The following ANGEL1 variants were observed in gnomAD, a reference collection of about 807,000 sequenced individuals.
ANGEL1 encodes the protein RNA 2',3'-cyclic phosphatase ANGEL1.
ANGEL1 carries 62 observed loss-of-function variants against 76.4 expected under a neutral mutation model. The ratio of observed to expected loss-of-function variants is 0.81; its 90% CI spans 0.66 to 1.00. The LOEUF (loss-of-function observed/expected upper bound fraction) is 1.00, where lower values mean the gene tolerates loss of function less well. Ranked by LOEUF, ANGEL1 falls within the 50% of genes least tolerant of loss-of-function variation. ANGEL1 has a pLI of 0.00. For synonymous variants in ANGEL1, 340 were observed against 331.7 expected (o/e 1.03, Z -0.27); for missense variants, 737 against 836.7 (o/e 0.88, Z 1.47).
Position 76,809,336 on chromosome 14 carries a change from A to T in ANGEL1, c.372T>A (p.Asp124Glu), listed in dbSNP as rs1459145140. The T allele has an allele frequency of 6.2e-7, 1 of 1,614,194 alleles. No individual in the cohort carries two copies. Among genetic ancestry groups the T allele is most frequent in the Admixed American group, 1.7e-5 (1 of 60,030 alleles). The change falls in exon 2 of 10, where the codon GAT (aspartate) becomes GAA (glutamate). Residue 124 changes from aspartate to glutamate, a missense_variant. Asp to Glu is a conservative substitution (Grantham distance 45). Coordinates refer to ENST00000251089, the MANE Select transcript of ANGEL1 (RefSeq NM_015305.4). The stretch of plus-strand genomic sequence containing the variant: ...CTCCTAGCATCTCAGGGAAAGGCTC[A>T]TCCAGGTTCTCTGCAGCCCGAAGGT... ...LSDLRAAENL[D>E]EPFPEMLGEE... is the part of the protein sequence containing the mutation.
chr14:76,788,402 TC>T lies in ANGEL1; in HGVS notation c.*825del, dbSNP rs1894305406. On this transcript the variant is annotated 3_prime_UTR_variant, in exon 10 of 10. Coordinates refer to ENST00000251089, the MANE Select transcript of ANGEL1 (RefSeq NM_015305.4). ...TGAACCCCACATAAGGGTTCAAACT[TC>T]CGCCTCCCTCAGGGAAGCCTGGGGA... is the stretch of plus-strand genomic sequence containing the variant. 6.6e-6 allele frequency: 1 copy of T among 152,318 alleles called. No homozygotes were observed. The highest frequency in any genetic ancestry group is 1.5e-5 in the Non-Finnish European group (1 of 68,118). The allele number at this position is 152,318 out of a possible 1,614,324, so 9.4% of individuals were successfully genotyped here.
At chr14:76,802,790 C>T (rs1316225189) in intron 7 of ANGEL1, among the ~76,000 whole-genome samples, 1 of 152,172 alleles carries the variant, frequency 6.6e-6, no homozygotes, top group African/African-American at 2.4e-5. Context: ...TCCTCTAGCA[C>T]CCCTGCACGA....
chr14:76,796,320 C>T (rs146452329), intron 7 of ANGEL1, among the ~76,000 whole-genome samples: 1 of 149,888 alleles, frequency 6.7e-6, no homozygotes, highest in Non-Finnish European at 1.5e-5. Context: ...GTGATCACAG[C>T]TCACTGCAGC....
At chr14:76,794,107 A>G (rs2140211656) in intron 7 of ANGEL1, among the ~76,000 whole-genome samples, 2 of 152,260 alleles carry the variant, frequency 1.3e-5, no homozygotes, top group East Asian at 3.9e-4. Context: ...CCATACATCT[A>G]TGGTCAATTG....
Position 76,806,612 on chromosome 14 carries a change from T to C in ANGEL1, c.1184A>G (p.Tyr395Cys). 1 of 1,614,146 alleles carries C rather than the reference T, an allele frequency of 6.2e-7. No individual in the cohort carries two copies. Among genetic ancestry groups the C allele is most frequent in the South Asian group, 1.1e-5 (1 of 91,072 alleles). The change falls in exon 5 of 10, where the codon TAC (tyrosine) becomes TGC (cysteine). Residue 395 changes from tyrosine to cysteine, a missense_variant. This residue lies in a region of ANGEL1 where 296 missense variants were observed against 387.2 expected (regional missense o/e 0.76). Transcript: ENST00000251089. ...PLCVANTHIL[Y>C]NPRRGDVKLA... ...CTTGACATCGCCCCGGCGTGGGTTG[T>C]AAAGGATATGGGTATTTGCCACACA... is the stretch of plus-strand genomic sequence containing the variant.
In ANGEL1 at chr14:76,812,783, G is replaced by T; in HGVS notation, c.45C>A (p.Arg15=). 6.6e-7 allele frequency: 1 copy of T among 1,522,540 alleles called. No homozygotes were observed. The allele number at this position is 1,522,540 out of a possible 1,614,324, so 94.3% of individuals were successfully genotyped here. ...CGGTACCTGAGAGGGCGCGGAAGAGGCGCGTGGCCGGCAGCAGCAGGTAAC... is the reference window on the plus strand; with the variant it reads ...CGGTACCTGAGAGGGCGCGGAAGAGTCGCGTGGCCGGCAGCAGCAGGTAAC... ...CLCYLLLPAT[R]LFRALSDAFF... Residue 15 remains arginine, a synonymous_variant, in exon 1 of 10, where the codon CGC becomes CGA. Coordinates refer to ENST00000251089, the MANE Select transcript of ANGEL1 (RefSeq NM_015305.4).
chr14:76,791,462 G>A, intron 7 of ANGEL1, 96 bp from the exon 8 acceptor site: 1 of 1,168,454 alleles, frequency 8.6e-7, no homozygotes, highest in African/African-American at 1.5e-5. Flanking sequence ...ATCCTTGACT[G>A]GATTGCTTCA....
intron 7 of ANGEL1, 24 bp from the exon 8 acceptor site, chr14:76,791,390 C>A: frequency 6.2e-7 from 1 of 1,609,002 alleles, no homozygotes; most frequent in Non-Finnish European, 8.5e-7. Context: ...GAGAGAAAAA[C>A]ATTTTCTCAT....
intron 1 of ANGEL1, 68 bp downstream of exon 1, chr14:76,812,678 CCAACCGCACGCCGCCCCA>C: frequency 7.1e-7 from 1 of 1,405,670 alleles, no homozygotes. Context: ...TGAGGCCCGG[CCAACCGCACGCCGCCCCA>C]GGCCCGCGGA....
chr14:76,812,265 G>A, intron 1 of ANGEL1: 4 of 988,890 alleles, frequency 4.0e-6, no homozygotes, highest in Non-Finnish European at 4.8e-6. Flanking sequence ...CGGTGAGCGA[G>A]AGCTGCCAGG....
At chr14:76,792,630 T>TA (rs1001159699) in intron 7 of ANGEL1, among the ~76,000 whole-genome samples, 11 of 151,852 alleles carry the variant, frequency 7.2e-5, no homozygotes, top group African/African-American at 2.2e-4. Flanking sequence ...TACTTAAGTT[T>TA]AAAAAAAAGC....
At chr14:76,808,192 T>G in intron 2 of ANGEL1, 44 bp from the exon 3 acceptor site, 1 of 1,544,844 alleles carries the variant, frequency 6.5e-7, no homozygotes. Context: ...GTATGAGTAA[T>G]GCAGAGGTGC....
At chr14:76,803,951 A>G in intron 5 of ANGEL1, 39 bp from the exon 6 acceptor site, 2 of 1,614,176 alleles carry the variant, frequency 1.2e-6, no homozygotes, top group Non-Finnish European at 1.7e-6. Context: ...GGAAACCAAG[A>G]TAGAAAAAGG....
At chr14:76,792,488 T>C (rs1375990155) in intron 7 of ANGEL1, among the ~76,000 whole-genome samples, 1 of 152,074 alleles carries the variant, frequency 6.6e-6, no homozygotes, top group East Asian at 1.9e-4. Flanking sequence ...GCAAAATTCC[T>C]CAATAAAATA....
At chr14:76,796,568 T>C (rs1894584527) in intron 7 of ANGEL1, among the ~76,000 whole-genome samples, 1 of 152,234 alleles carries the variant, frequency 6.6e-6, no homozygotes, top group East Asian at 1.9e-4. Flanking sequence ...CACTTTTAAC[T>C]TATATGTTTA....
chr14:76,793,946 C>A (rs1894497087), intron 7 of ANGEL1, among the ~76,000 whole-genome samples: 1 of 152,142 alleles, frequency 6.6e-6, no homozygotes. Context: ...GGTTTTTGAA[C>A]CTCAGTTGAC....
At position 76,809,231 on chromosome 14, in the gene ANGEL1, T is replaced by C; in HGVS notation, c.477A>G (p.Ala159=). ...CACCCACTGGGAGGGCAGCACAGTC[T>C]GCATACTGGGGCTCCGACTGCATGG... is the stretch of plus-strand genomic sequence containing the variant. ...AIPMQSEPQY[A]DCAALPVGAL... Residue 159 remains alanine, a synonymous_variant, in exon 2 of 10, where the codon GCA becomes GCG. Coordinates refer to ENST00000251089, the MANE Select transcript of ANGEL1 (RefSeq NM_015305.4). 2.5e-6 allele frequency: 4 copies of C among 1,613,244 alleles called. No individual in the cohort carries two copies. Among genetic ancestry groups the C allele is most frequent in the Non-Finnish European group, 3.4e-6 (4 of 1,179,548 alleles).
intron 5 of ANGEL1, among the ~76,000 whole-genome samples, chr14:76,804,965 G>A (rs897717953): frequency 3.3e-5 from 5 of 151,980 alleles, no homozygotes; most frequent in Admixed American, 6.6e-5. Context: ...AGCCGAGATC[G>A]TGCCATTGCA....
At chr14:76,801,917 G>A (rs1354249290) in intron 7 of ANGEL1, among the ~76,000 whole-genome samples, 1 of 152,040 alleles carries the variant, frequency 6.6e-6, no homozygotes, top group Admixed American at 6.6e-5. Context: ...AGCACTTTGG[G>A]AGGCCAAGGC....
Sources: allele counts gnomAD v4.1 joint callset (sites outside exome capture counted in the v4.1 genomes callset), GRCh38; gene constraint gnomAD v4.1.1; regional missense constraint gnomAD v4.1.1; transcripts MANE v1.5; gene names NCBI Gene and HGNC (gene_info 2026-07-23, HGNC 2026-07-21).